Variants in MSN observed in about 807,000 individuals in gnomAD.
MSN encodes the protein epididymis luminal protein 70.
In MSN, 2 loss-of-function variants were observed where a neutral mutation model predicts 48.0. That is an observed-to-expected ratio of 0.04 (90% CI 0.02 to 0.13). The LOEUF (loss-of-function observed/expected upper bound fraction) is 0.13, where lower values mean the gene tolerates loss of function less well. MSN is among the 10% of genes least tolerant of loss of function. The pLI is 1.00. For synonymous variants in MSN, 146 were observed against 166.9 expected, an observed-to-expected ratio of 0.87 and a Z score of 0.97; for missense variants, 267 against 470.1, an observed-to-expected ratio of 0.57 and a Z score of 3.99.
rs973165352 is a variant in MSN at position 65,680,752 on chromosome X, T to C, written c.12+12899T>C. 3.6e-5 allele frequency among the ~76,000 whole-genome samples: 4 copies of C among 111,046 alleles called. No individual in the cohort carries two copies. In the Admixed American group the frequency reaches 3.8e-4, roughly 11 times the overall value. ...TTTTTCAGGTTGAATTTGTTTTGTT[T>C]TGTTTTGTTTTTTTGAGACAGAGTC... is the stretch of plus-strand genomic sequence containing the variant. On this transcript the variant is annotated intron_variant, in intron 1 of 12. Transcript: ENST00000360270.
rs1292880387 is a variant in MSN, at chrX:65,615,002, A to G, written c.-22+26390A>G. Reference sequence around the variant, plus strand: ...AGTTTACTGAGAATGATGATTTCCAATTTCATCCATGTCCCTACAAAGGAC... The same window carrying G: ...AGTTTACTGAGAATGATGATTTCCAGTTTCATCCATGTCCCTACAAAGGAC... On this transcript the variant is annotated intron_variant, in intron 1 of 3. Coordinates refer to the MSN transcript ENST00000609672. Among the ~76,000 whole-genome samples, 3 of 97,413 alleles carry G rather than the reference A, an allele frequency of 3.1e-5. No homozygotes were observed. The Admixed American group carries it at 3.4e-4, about 11-fold the overall frequency. 84.6% of individuals were successfully genotyped at this position (97,413 alleles called of 115,157 possible).
rs1043752504 is a variant in MSN at position 65,596,215 on chromosome X, C to A, written c.-22+7603C>A. ...TGGGACTGAATGGAAACTGGGGACT[C>A]TGACTTCTAGTCTCCAAGAAACCTC... On this transcript the variant is annotated intron_variant, in intron 1 of 3. Coordinates refer to the MSN transcript ENST00000609672. Among the ~76,000 whole-genome samples the A allele has an allele frequency of 2.7e-5, 3 of 111,382 alleles. No homozygotes were observed. The Admixed American group carries it at 2.9e-4, about 11-fold the overall frequency.
chrX:65,589,096 G>C (rs1042738460), intron 1 of MSN: 3 of 128,398 alleles, frequency 2.3e-5, no homozygotes, highest in East Asian at 1.4e-4. Context: ...TGGAGGCCTG[G>C]GGATCTCTAA....
intron 1 of MSN, among the ~76,000 whole-genome samples, chrX:65,599,881 G>A (rs2070219627): frequency 9.0e-6 from 1 of 111,096 alleles, no homozygotes; most frequent in African/African-American, 3.3e-5. Flanking sequence ...TTTTGAGAAG[G>A]GATGCAGTAA....
At chrX:65,716,747 G>A in intron 1 of MSN, 71 bp from the exon 2 acceptor site, 1 of 967,893 alleles carries the variant, frequency 1.0e-6, no homozygotes, top group Admixed American at 2.3e-5. Context: ...TGGTTGAGCA[G>A]AGACACTTGT....
chrX:65,599,929 G>C (rs958893506), intron 1 of MSN, among the ~76,000 whole-genome samples: 1 of 110,484 alleles, frequency 9.1e-6, no homozygotes, highest in African/African-American at 3.3e-5. Context: ...CCTCTGGCAG[G>C]CAGCCCTATG....
rs763854299 is a variant in MSN at position 65,740,169 on chromosome X, A to G, written c.*276A>G. The G allele has an allele frequency of 4.2e-5, 12 of 284,015 alleles. No homozygotes were observed. Among genetic ancestry groups the G allele is most frequent in the African/African-American group, 2.7e-4 (10 of 37,420 alleles). The allele number at this position is 284,015 out of a possible 1,213,427, so 23.4% of individuals were successfully genotyped here. ...CTAGAATATCCTACTTCTCCAGCCT[A>G]GAGGTACTTTCCACTTGATTTTGCA... is the stretch of plus-strand genomic sequence containing the variant. On this transcript the variant is annotated 3_prime_UTR_variant, in exon 13 of 13. Transcript: ENST00000360270.
At chrX:65,631,535 A>G (rs2070558786) in intron 1 of MSN, among the ~76,000 whole-genome samples, 1 of 112,090 alleles carries the variant, frequency 8.9e-6, no homozygotes, top group Non-Finnish European at 1.9e-5. Context: ...TGATTCTTTT[A>G]AAGTTAATCC....
In MSN at chrX:65,641,529, CA is replaced by C. The variant is rs1215400897; in HGVS notation, c.-22+52932del. 7.3e-3 allele frequency among the ~76,000 whole-genome samples: 155 copies of C among 21,179 alleles called. 5 individuals are homozygous for C. Among genetic ancestry groups the C allele is most frequent in the African/African-American group, 0.021 (127 of 6,104 alleles). 18.4% of individuals were successfully genotyped at this position (21,179 alleles called of 115,157 possible). Reference sequence around the variant, plus strand: ...TGGGCAACAGAGTGAGACTCGGTCTCAAAAAAAAAAAAAAAGTGAAGTATAT... The same window carrying C: ...TGGGCAACAGAGTGAGACTCGGTCTCAAAAAAAAAAAAAAGTGAAGTATAT... On this transcript the variant is annotated intron_variant, in intron 1 of 3. Transcript: ENST00000609672.
intron 1 of MSN, among the ~76,000 whole-genome samples, chrX:65,695,238 C>T (rs757089754): frequency 1.9e-4 from 21 of 110,547 alleles, no homozygotes; most frequent in Middle Eastern, 4.7e-3. Context: ...TGTTGGCTCA[C>T]GCCTGTAATC....
At chrX:65,731,418 G>T (rs1327814263) in intron 5 of MSN, among the ~76,000 whole-genome samples, 2 of 112,070 alleles carry the variant, frequency 1.8e-5, no homozygotes, top group African/African-American at 6.5e-5. Context: ...TGACTATCAA[G>T]AAATGGAGGG....
chrX:65,604,085 A>G (rs1056449686), intron 1 of MSN, among the ~76,000 whole-genome samples: 10 of 112,622 alleles, frequency 8.9e-5, no homozygotes, highest in Non-Finnish European at 1.5e-4. Context: ...CTTAGGTACC[A>G]TTACCATCAT....
chrX:65,667,978 C>A, intron 1 of MSN, 125 bp downstream of exon 1: 3 of 805,186 alleles, frequency 3.7e-6, no homozygotes, highest in East Asian at 3.5e-5. Flanking sequence ...CCGCCATAGC[C>A]AAGGGTAGGG....
rs374060536 is a variant in MSN at position 65,622,670 on chromosome X, C to T, written c.-22+34058C>T. Among the ~76,000 whole-genome samples the T allele has an allele frequency of 3.0e-4, 33 of 109,245 alleles. No individual in the cohort carries two copies. The South Asian group carries it at 0.013, about 43-fold the overall frequency. The allele number at this position is 109,245 out of a possible 115,157, so 94.9% of individuals were successfully genotyped here. A position where few individuals can be genotyped will look rare whatever the true frequency, so the allele number is the denominator to read the frequency against. ...TGGCTGGGATTACAGGTGCACACCC[C>T]TACACCCAGCTAGTTTTTGTATTTT... On this transcript the variant is annotated intron_variant, in intron 1 of 3. Transcript: ENST00000609672.
intron 1 of MSN, among the ~76,000 whole-genome samples, chrX:65,661,980 T>G (rs1446468581): frequency 8.9e-6 from 1 of 112,306 alleles, no homozygotes; most frequent in Non-Finnish European, 1.9e-5. Flanking sequence ...TGCCATTGCA[T>G]TACAGCCTGT....
intron 1 of MSN, among the ~76,000 whole-genome samples, chrX:65,639,333 C>T (rs987195109): frequency 9.0e-6 from 1 of 110,910 alleles, no homozygotes; most frequent in Non-Finnish European, 1.9e-5. Context: ...TTAGTAGAGA[C>T]GGGGTTTCAC....
chrX:65,737,345 C>T lies in MSN; in HGVS notation c.1251+7C>T, dbSNP rs1198149712. The T allele has an allele frequency of 1.7e-6, 2 of 1,202,887 alleles. No homozygotes were observed. The highest frequency in any genetic ancestry group is 5.9e-5 in the East Asian group (2 of 33,676). ...AAAGACTCAGGAACAGCTGGTAAAG[C>T]TGTAGGGTGGGCTGGGATTATGGGA... On this transcript the variant is annotated splice_region_variant and intron_variant, in intron 10 of 12. Transcript: ENST00000360270.
At chrX:65,611,139 T>A (rs758584987) in intron 1 of MSN, among the ~76,000 whole-genome samples, 8 of 99,783 alleles carry the variant, frequency 8.0e-5, no homozygotes, top group Non-Finnish European at 1.3e-4. Flanking sequence ...GTTTCTTCCA[T>A]CCTTCCTTTC....
chrX:65,741,604 C>A lies in MSN; in HGVS notation c.*1711C>A. The A allele has an allele frequency of 5.8e-6, 1 of 171,403 alleles. No individual in the cohort carries two copies. Among genetic ancestry groups the A allele is most frequent in the Non-Finnish European group, 1.1e-5 (1 of 88,913 alleles). 14.1% of individuals were successfully genotyped at this position (171,403 alleles called of 1,213,427 possible). A position where few individuals can be genotyped will look rare whatever the true frequency, so the allele number is the denominator to read the frequency against. ...GGCCATCCTGTCCCACCATGCAGTGCCCCTAGCTTAGAGCCTCCCTCAATT... is the reference window on the plus strand; with the variant it reads ...GGCCATCCTGTCCCACCATGCAGTGACCCTAGCTTAGAGCCTCCCTCAATT... On this transcript the variant is annotated 3_prime_UTR_variant, in exon 13 of 13. Transcript: ENST00000360270.
Sources: gnomAD v4.1 joint callset for allele counts (sites outside exome capture counted in the v4.1 genomes callset) on GRCh38, gnomAD v4.1.1 for gene constraint, MANE v1.5 for transcripts, NCBI Gene and HGNC (gene_info 2026-07-23, HGNC 2026-07-21) for gene names.